Variants in ADAMTS19 observed in about 807,000 individuals in gnomAD.
The protein encoded by ADAMTS19 is A disintegrin and metalloproteinase with thrombospondin motifs 19.
In ADAMTS19, 93 loss-of-function variants were observed where a neutral mutation model predicts 153.3. The observed-to-expected ratio is 0.61, with a 90% confidence interval of 0.51 to 0.72. The LOEUF (loss-of-function observed/expected upper bound fraction) is 0.72, where lower values mean the gene tolerates loss of function less well. ADAMTS19 is among the 30% of genes least tolerant of loss of function. The probability of loss-of-function intolerance (pLI) is 0.00; values close to 1 mark genes in which losing one functional copy is unlikely to be tolerated. For missense variants in ADAMTS19, 1,482 were observed against 1,552.1 expected (o/e 0.95, Z 0.76); for synonymous variants, 600 against 556.6 (o/e 1.08, Z -1.10).
Position 129,528,690 on chromosome 5 carries a change from A to T in ADAMTS19, c.1328+13A>T. 1 of 1,577,134 alleles carries T rather than the reference A, an allele frequency of 6.3e-7. No homozygotes were observed. The highest frequency in any genetic ancestry group is 8.6e-7 in the Non-Finnish European group (1 of 1,164,162). ...TACTTATAACAAGGTAAATTTTCCA[A>T]TGCCAATTAAATGGCATTCCTAATT... On this transcript the variant is annotated intron_variant, in intron 6 of 22. Transcript: ENST00000274487.
At chr5:129,648,548 T>C (rs1184322272) in intron 12 of ADAMTS19, among the ~76,000 whole-genome samples, 2 of 152,202 alleles carry the variant, frequency 1.3e-5, no homozygotes, top group Non-Finnish European at 2.9e-5. Flanking sequence ...CTCTAATGTA[T>C]CATTTTCATG....
chr5:129,516,510 C>T (rs150767065), intron 3 of ADAMTS19, among the ~76,000 whole-genome samples: 1,548 of 151,724 alleles, frequency 0.01, 16 homozygotes, highest in Non-Finnish European at 0.016. Flanking sequence ...TGATTTCTTC[C>T]TGTTTCAATC....
At chr5:129,513,209 A>G (rs1424924246) in intron 3 of ADAMTS19, among the ~76,000 whole-genome samples, 2 of 152,108 alleles carry the variant, frequency 1.3e-5, no homozygotes, top group African/African-American at 2.4e-5. Context: ...AACTAAAAAA[A>G]AAAAAAGTAT....
At chr5:129,703,486 A>G (rs909676680) in intron 20 of ADAMTS19, among the ~76,000 whole-genome samples, 2 of 152,152 alleles carry the variant, frequency 1.3e-5, no homozygotes, top group African/African-American at 4.8e-5. Context: ...TAATCCCAAC[A>G]CTTTGGGAGG....
rs1209021016 is a variant in ADAMTS19 at position 129,733,936 on chromosome 5, AGTGTGTGCGTGT to A, written c.3313-988_3313-977del. On this transcript the variant is annotated intron_variant, in intron 21 of 22. Transcript: ENST00000274487. Reference sequence around the variant, plus strand: ...CACCAACAGATAACTGGATAAAGCAAGTGTGTGCGTGTGTGTGTGTGTGTGTGTGTGTGTGTG... The same window carrying A: ...CACCAACAGATAACTGGATAAAGCAAGTGTGTGTGTGTGTGTGTGTGTGTG... Among the ~76,000 whole-genome samples, 502 of 143,454 alleles carry A rather than the reference AGTGTGTGCGTGT, an allele frequency of 3.5e-3. 1 individual carries two copies. The highest frequency in any genetic ancestry group is 0.013 in the African/African-American group (484 of 38,248). The allele number at this position is 143,454 out of a possible 152,430, so 94.1% of individuals were successfully genotyped here. A position where few individuals can be genotyped will look rare whatever the true frequency, so the allele number is the denominator to read the frequency against.
At chr5:129,553,972 A>G (rs1478602018) in intron 7 of ADAMTS19, among the ~76,000 whole-genome samples, 2 of 152,170 alleles carry the variant, frequency 1.3e-5, no homozygotes, top group Non-Finnish European at 2.9e-5. Context: ...AATAAGAAGT[A>G]AAAATGCAGC....
chr5:129,463,539 A>G (rs1277915553), intron 2 of ADAMTS19, among the ~76,000 whole-genome samples: 2 of 152,204 alleles, frequency 1.3e-5, no homozygotes, highest in Non-Finnish European at 2.9e-5. Flanking sequence ...TTATTGAGGA[A>G]AACTGCCATT....
intron 19 of ADAMTS19, among the ~76,000 whole-genome samples, chr5:129,700,786 G>T (rs1294300597): frequency 7.1e-6 from 1 of 141,578 alleles, no homozygotes; most frequent in Non-Finnish European, 1.5e-5. Context: ...AATATGACAT[G>T]GAAAAAGTCT....
chr5:129,658,303 GAA>G (rs1242274204), intron 14 of ADAMTS19, among the ~76,000 whole-genome samples: 30 of 101,424 alleles, frequency 3.0e-4, no homozygotes, highest in African/African-American at 1.2e-3. Context: ...AAGAAAGAAA[GAA>G]AGAAAAAGAA....
rs114956659 is a variant in ADAMTS19 at position 129,460,375 on chromosome 5, G to A, written c.-17G>A. 4,390 of 1,610,542 alleles carry A rather than the reference G, an allele frequency of 2.7e-3. 112 individuals are homozygous for A. The African/African-American group carries it at 0.048, about 18-fold the overall frequency. On this transcript the variant is annotated 5_prime_UTR_variant, in exon 1 of 23. Transcript: ENST00000274487. ...AGGCGTGCGCCGGGCGAGAAGCCGCGGCCGCGGGAGCGCAGTATGGGGAAG... is the reference window on the plus strand; with the variant it reads ...AGGCGTGCGCCGGGCGAGAAGCCGCAGCCGCGGGAGCGCAGTATGGGGAAG...
In ADAMTS19 at chr5:129,461,160, C is replaced by A; in HGVS notation, c.150C>A (p.Arg50=). 1 of 1,398,594 alleles carries A rather than the reference C, an allele frequency of 7.2e-7. No individual in the cohort carries two copies. Among genetic ancestry groups the A allele is most frequent in the Admixed American group, 2.7e-5 (1 of 37,256 alleles). 86.6% of individuals were successfully genotyped at this position (1,398,594 alleles called of 1,614,324 possible). ...EWEVVFPALW[R]REPVDPAGGS... ...AAGTCGTGTTTCCTGCGCTCTGGCG[C>A]CGGGAGCCGGTGGACCCGGCTGGCG... Residue 50 remains arginine, a synonymous_variant, in exon 2 of 23, where the codon CGC becomes CGA. Coordinates refer to ENST00000274487, the MANE Select transcript of ADAMTS19 (RefSeq NM_133638.6). The surrounding 1 kb of genome is among the most constrained non-coding windows in gnomAD (Gnocchi z 4.6).
chr5:129,713,927 C>T (rs928112831), intron 21 of ADAMTS19, among the ~76,000 whole-genome samples: 4 of 151,970 alleles, frequency 2.6e-5, no homozygotes, highest in Non-Finnish European at 5.9e-5. Context: ...AGGAACAGTT[C>T]CTTAGTCCCC....
intron 19 of ADAMTS19, among the ~76,000 whole-genome samples, chr5:129,698,885 C>T (rs1718018165): frequency 1.3e-5 from 2 of 152,150 alleles, no homozygotes; most frequent in South Asian, 4.1e-4. Context: ...AGCAAAATGG[C>T]AGGTCTGCAA....
At chr5:129,518,330 G>A (rs565715686) in intron 3 of ADAMTS19, among the ~76,000 whole-genome samples, 3 of 152,144 alleles carry the variant, frequency 2.0e-5, no homozygotes, top group South Asian at 2.1e-4. Flanking sequence ...ACTCATTAAT[G>A]TCCTTTTCTT....
intron 10 of ADAMTS19, among the ~76,000 whole-genome samples, chr5:129,636,188 T>C (rs1234643462): frequency 6.6e-6 from 1 of 152,172 alleles, no homozygotes; most frequent in East Asian, 1.9e-4. Flanking sequence ...CAAGCCACCA[T>C]GCTTGGCCAA....
intron 21 of ADAMTS19, among the ~76,000 whole-genome samples, chr5:129,724,888 T>C (rs561442681): frequency 1.7e-4 from 26 of 152,252 alleles, no homozygotes; most frequent in Non-Finnish European, 3.1e-4. Context: ...TGGCATCATG[T>C]TGACTGTTCT....
chr5:129,624,797 A>G (rs1020839079), intron 10 of ADAMTS19, among the ~76,000 whole-genome samples: 5 of 152,120 alleles, frequency 3.3e-5, no homozygotes, highest in Non-Finnish European at 5.9e-5. Flanking sequence ...CTTCCACATA[A>G]TGTGTTTAAT....
At chr5:129,540,302 A>G (rs1028560203) in intron 6 of ADAMTS19, among the ~76,000 whole-genome samples, 15 of 152,216 alleles carry the variant, frequency 9.9e-5, no homozygotes, top group Admixed American at 1.3e-4. Flanking sequence ...CTGAGGTCAT[A>G]TATTTGTCAA....
intron 2 of ADAMTS19, among the ~76,000 whole-genome samples, chr5:129,484,197 G>A (rs953239470): frequency 5.9e-5 from 9 of 151,804 alleles, no homozygotes; most frequent in African/African-American, 2.2e-4. Flanking sequence ...CCCAGATCTC[G>A]AATTATAAAA....
Sources: gnomAD v4.1 joint callset for allele counts (sites outside exome capture counted in the v4.1 genomes callset) on GRCh38, gnomAD v4.1.1 for gene constraint, Gnocchi (gnomAD v3.1) non-coding constraint, MANE v1.5 for transcripts, NCBI Gene and HGNC (gene_info 2026-07-23, HGNC 2026-07-21) for gene names.